Variants in RHOH observed in about 807,000 individuals in gnomAD.
RHOH encodes the protein ras homolog family member H, also known as rho-related GTP-binding protein RhoH.
RHOH carries 6 observed loss-of-function variants against 13.8 expected under a neutral mutation model. That is an observed-to-expected ratio of 0.44 (90% CI 0.24 to 0.86). The LOEUF is 0.86. RHOH is among the 40% of genes least tolerant of loss of function. The pLI is 0.24. For missense variants in RHOH, 147 were observed against 244.5 expected (o/e 0.60, Z 2.66); for synonymous variants, 117 against 103.0 (o/e 1.14, Z -0.82).
intron 1 of RHOH, among the ~76,000 whole-genome samples, chr4:40,200,723 C>T (rs1723860943): frequency 6.6e-6 from 1 of 152,150 alleles, no homozygotes; most frequent in Non-Finnish European, 1.5e-5. Context: ...ATGTTTAGCT[C>T]AGTCATACCC....
chr4:40,200,777 A>G (rs1251650322), intron 1 of RHOH, among the ~76,000 whole-genome samples: 1 of 152,344 alleles, frequency 6.6e-6, no homozygotes, highest in East Asian at 1.9e-4. Flanking sequence ...TTTAAAAACC[A>G]AAGTGTTGTA....
At chr4:40,214,957 G>A (rs922134151) in intron 1 of RHOH, among the ~76,000 whole-genome samples, 2 of 152,064 alleles carry the variant, frequency 1.3e-5, no homozygotes, top group Middle Eastern at 3.2e-3. Context: ...CGAGAGCTGC[G>A]TTTCTCATGG....
intron 1 of RHOH, among the ~76,000 whole-genome samples, chr4:40,210,082 T>TTGTG (rs1425355216): frequency 5.3e-5 from 6 of 113,294 alleles, no homozygotes; most frequent in Admixed American, 9.1e-5. Context: ...CCTGATTACA[T>TTGTG]TGTGTGCGTG....
Position 40,244,863 on chromosome 4 carries a change from G to A in RHOH, c.*901G>A, listed in dbSNP as rs2109598122. The A allele has an allele frequency of 6.0e-6, 1 of 167,190 alleles. No individual in the cohort carries two copies. Among genetic ancestry groups the A allele is most frequent in the South Asian group, 2.0e-4 (1 of 4,954 alleles). The allele number at this position is 167,190 out of a possible 1,614,324, so 10.4% of individuals were successfully genotyped here. A position where few individuals can be genotyped will look rare whatever the true frequency, so the allele number is the denominator to read the frequency against. On this transcript the variant is annotated 3_prime_UTR_variant, in exon 3 of 3. Coordinates refer to ENST00000381799, the MANE Select transcript of RHOH (RefSeq NM_004310.5). Reference sequence around the variant, plus strand: ...GACTGCAGGTCCTGTGAAAGACAGGGGTCTCAAAGTTCTGTTAATTTCACA... The same window carrying A: ...GACTGCAGGTCCTGTGAAAGACAGGAGTCTCAAAGTTCTGTTAATTTCACA...
intron 1 of RHOH, among the ~76,000 whole-genome samples, chr4:40,199,377 A>G (rs1347055515): frequency 6.6e-6 from 1 of 152,244 alleles, no homozygotes; most frequent in African/African-American, 2.4e-5. Flanking sequence ...TTCCAGGGAA[A>G]GTAGGGTGAC....
intron 1 of RHOH, among the ~76,000 whole-genome samples, chr4:40,225,986 G>T (rs1727181442): frequency 6.6e-6 from 1 of 152,138 alleles, no homozygotes; most frequent in Non-Finnish European, 1.5e-5. Context: ...TTGACCACAT[G>T]CAGTCTTGTT....
At chr4:40,228,285 A>G (rs1727483423) in intron 1 of RHOH, among the ~76,000 whole-genome samples, 1 of 152,184 alleles carries the variant, frequency 6.6e-6, no homozygotes. Context: ...CCCCAGAAAA[A>G]TGTATGCTAA....
intron 1 of RHOH, among the ~76,000 whole-genome samples, chr4:40,219,166 C>T (rs11097018): frequency 0.17 from 25,859 of 152,066 alleles, 2,375 homozygotes; most frequent in East Asian, 0.33. Flanking sequence ...AATCCTAGCA[C>T]TTTGGGAGGC....
chr4:40,203,543 TGA>T (rs932328053), intron 1 of RHOH, among the ~76,000 whole-genome samples: 11 of 148,136 alleles, frequency 7.4e-5, no homozygotes, highest in South Asian at 2.1e-4. Flanking sequence ...TGTGTGTGTG[TGA>T]GAGAGAGAGA....
intron 1 of RHOH, among the ~76,000 whole-genome samples, chr4:40,232,371 T>A (rs1728044426): frequency 6.8e-6 from 1 of 147,592 alleles, no homozygotes; most frequent in East Asian, 1.9e-4. Context: ...ACTATAGGCA[T>A]GCTCCACCAT....
At chr4:40,222,199 C>T (rs776921929) in intron 1 of RHOH, among the ~76,000 whole-genome samples, 7 of 152,202 alleles carry the variant, frequency 4.6e-5, no homozygotes, top group Admixed American at 2.0e-4. Flanking sequence ...GATGAATAAA[C>T]TACAGCAAGT....
chr4:40,200,649 T>C (rs1464646770), intron 1 of RHOH: 9 of 152,254 alleles, frequency 5.9e-5, no homozygotes, highest in Non-Finnish European at 1.3e-4. Flanking sequence ...TATTTTCCTT[T>C]GTTTTGAGTT....
At chr4:40,219,615 T>G (rs538565252) in intron 1 of RHOH, among the ~76,000 whole-genome samples, 1 of 152,228 alleles carries the variant, frequency 6.6e-6, no homozygotes, top group South Asian at 2.1e-4. Context: ...ACTATAGGCA[T>G]GTAATCACTA....
At chr4:40,196,867 G>C (rs1723195853), upstream of RHOH, 1 of 152,096 alleles carries the variant, frequency 6.6e-6, no homozygotes. Context: ...CCAGCGGTGC[G>C]GCAAAGGCCT....
intron 1 of RHOH, among the ~76,000 whole-genome samples, chr4:40,199,225 G>A (rs954255577): frequency 6.6e-5 from 10 of 151,338 alleles, no homozygotes; most frequent in Admixed American, 5.2e-4. Flanking sequence ...CCTAGTGCCT[G>A]ACTGAAAAAA....
At chr4:40,191,498 T>A (rs1033244314), upstream of RHOH, among the ~76,000 whole-genome samples, 4 of 152,226 alleles carry the variant, frequency 2.6e-5, no homozygotes, top group African/African-American at 7.2e-5. Flanking sequence ...CAAAAGCGCA[T>A]CAACTATCGA....
intron 1 of RHOH, among the ~76,000 whole-genome samples, chr4:40,235,531 A>T (rs1395049463): frequency 7.1e-6 from 1 of 141,266 alleles, no homozygotes; most frequent in Admixed American, 8.0e-5. Flanking sequence ...TGGAGATTGC[A>T]GTGAGCTGAG....
intron 1 of RHOH, among the ~76,000 whole-genome samples, chr4:40,215,044 G>T (rs1332948339): frequency 6.6e-6 from 1 of 152,148 alleles, no homozygotes; most frequent in Non-Finnish European, 1.5e-5. Context: ...TTAGTTGAGG[G>T]AATCAGATTT....
At chr4:40,236,704 A>T (rs1728619774) in intron 1 of RHOH, among the ~76,000 whole-genome samples, 1 of 152,036 alleles carries the variant, frequency 6.6e-6, no homozygotes, top group Non-Finnish European at 1.5e-5. Flanking sequence ...AGGCAAAAGA[A>T]TTGCTTGAAC....
Sources: allele counts gnomAD v4.1 joint callset (sites outside exome capture counted in the v4.1 genomes callset), GRCh38; gene constraint gnomAD v4.1.1; transcripts MANE v1.5; gene names NCBI Gene and HGNC (gene_info 2026-07-23, HGNC 2026-07-21).